SNRPN: variants seen among roughly 807,000 people sequenced by gnomAD.
SNRPN encodes the protein small nuclear ribonucleoprotein polypeptide N.
A neutral mutation model predicts 25.2 loss-of-function variants in SNRPN; 7 were observed. The ratio of observed to expected loss-of-function variants is 0.28; its 90% confidence interval spans 0.16 to 0.52. The LOEUF is 0.52. Among genes scored for constraint, SNRPN ranks in the 20% least tolerant of loss-of-function variants. The pLI, the probability that SNRPN is intolerant of heterozygous loss-of-function variation, is 0.96. For missense variants in SNRPN, 196 were observed against 322.5 expected (o/e 0.61, Z 3.00); for synonymous variants, 124 against 110.6 (o/e 1.12, Z -0.76).
intron 2 of SNRPN, among the ~76,000 whole-genome samples, chr15:24,916,252 G>A (rs528190137): frequency 5.3e-5 from 8 of 152,180 alleles, no homozygotes; most frequent in South Asian, 2.1e-4. Flanking sequence ...GAGCCACCGC[G>A]CCCAGCCTTG....
rs1317545238 is a variant in SNRPN, at chr15:24,955,024, T to A, written c.-429T>A. ...GGCCGCCGGAGATGCCTGACGCATCTGTCTGAGGAGCGGTCAGTGACGCGA... is the reference window on the plus strand; with the variant it reads ...GGCCGCCGGAGATGCCTGACGCATCAGTCTGAGGAGCGGTCAGTGACGCGA... On this transcript the variant is annotated 5_prime_UTR_variant, in exon 1 of 10. Transcript: ENST00000390687. The A allele has an allele frequency of 1.1e-5, 17 of 1,612,800 alleles. No homozygotes were observed. The highest frequency in any genetic ancestry group is 1.4e-5 in the Non-Finnish European group (17 of 1,179,936).
At chr15:24,868,189 A>G (rs920040397) in intron 1 of SNRPN, among the ~76,000 whole-genome samples, 3 of 152,206 alleles carry the variant, frequency 2.0e-5, no homozygotes, top group African/African-American at 7.2e-5. Flanking sequence ...GCAATGAATG[A>G]CAGCAATAGT....
Position 24,929,787 on chromosome 15 carries a change from C to T in SNRPN, c.-391+9663C>T, listed in dbSNP as rs573595690. 1.6e-4 allele frequency among the ~76,000 whole-genome samples: 25 copies of T among 152,288 alleles called. No individual in the cohort carries two copies. The South Asian group carries it at 5.2e-3, about 32-fold the overall frequency. On this transcript the variant is annotated intron_variant, in intron 3 of 11. Coordinates refer to the SNRPN transcript ENST00000400097. This position sits in a 1 kb window ranked among gnomAD's most constrained non-coding sequence, Gnocchi z 5.3. The stretch of plus-strand genomic sequence containing the variant: ...ATGATTTTTCTGTCAGTATCAGTTT[C>T]TGCAAGAGCAAAAATTACATATTTT...
chr15:24,952,425 T>G (rs1194420278), upstream of SNRPN, among the ~76,000 whole-genome samples: 2 of 152,202 alleles, frequency 1.3e-5, no homozygotes, highest in African/African-American at 2.4e-5. Flanking sequence ...CATGTCATAG[T>G]GGAGTTTAGT....
At chr15:24,951,131 T>C (rs1325757184), upstream of SNRPN, among the ~76,000 whole-genome samples, 2 of 152,124 alleles carry the variant, frequency 1.3e-5, no homozygotes, top group Non-Finnish European at 2.9e-5. Flanking sequence ...AAAGTGCTGA[T>C]ATTACAGGCG....
chr15:24,939,261 T>C (rs1207783040), intron 3 of SNRPN, among the ~76,000 whole-genome samples: 2 of 152,194 alleles, frequency 1.3e-5, no homozygotes, highest in Non-Finnish European at 2.9e-5. Flanking sequence ...TTCTGTGTTT[T>C]ATAGTAGCCA....
intron 3 of SNRPN, among the ~76,000 whole-genome samples, chr15:24,928,575 A>T (rs2060577130): frequency 6.6e-6 from 1 of 152,006 alleles, no homozygotes; most frequent in Non-Finnish European, 1.5e-5. Flanking sequence ...ATCAAAAAAA[A>T]TTGTCATTCT....
In SNRPN at chr15:24,825,987, T is replaced by C. The variant is rs749405947; in HGVS notation, c.-687+2137T>C. Among the ~76,000 whole-genome samples the C allele has an allele frequency of 1.5e-3, 226 of 152,086 alleles. 7 individuals carry two copies. Among genetic ancestry groups the C allele is most frequent in the Non-Finnish European group, 3.8e-4 (26 of 68,036 alleles). On this transcript the variant is annotated intron_variant, in intron 1 of 12. Transcript: ENST00000400100. ...AAGGGGGAGGGGTTCAACCTACTTA[T>C]ACATATTTCCTTCCTCTCTGTTGGG... is the stretch of plus-strand genomic sequence containing the variant.
At chr15:24,835,020 A>AATAG (rs1271079767) in intron 2 of SNRPN, among the ~76,000 whole-genome samples, 18 of 41,998 alleles carry the variant, frequency 4.3e-4, no homozygotes, top group African/African-American at 9.8e-4. Flanking sequence ...CTATATATAA[A>AATAG]ATAGATATAT....
At chr15:24,865,914 G>C (rs2148238654) in intron 1 of SNRPN, among the ~76,000 whole-genome samples, 1 of 152,274 alleles carries the variant, frequency 6.6e-6, no homozygotes, top group African/African-American at 2.4e-5. Context: ...GGTCCTGTCT[G>C]TTCAGTCAGT....
chr15:24,872,871 C>G (rs1235496926), intron 1 of SNRPN, among the ~76,000 whole-genome samples: 1 of 59,334 alleles, frequency 1.7e-5, no homozygotes, highest in Non-Finnish European at 3.5e-5. Context: ...GACTCCGTCT[C>G]AAAAAAAAAA....
At chr15:24,824,443 C>T (rs1443094371) in intron 1 of SNRPN, among the ~76,000 whole-genome samples, 1 of 152,040 alleles carries the variant, frequency 6.6e-6, no homozygotes, top group Non-Finnish European at 1.5e-5. Flanking sequence ...GGCTGCTTGA[C>T]TTGCCTTCCT....
At chr15:24,873,456 C>CT (rs200289304) in intron 1 of SNRPN, among the ~76,000 whole-genome samples, 848 of 80,738 alleles carry the variant, frequency 0.011, 175 homozygotes, top group African/African-American at 0.028. Flanking sequence ...TTTTGTCTCT[C>CT]TTTTTTTTTG....
intron 1 of SNRPN, chr15:24,856,738 G>A (rs1188144120): frequency 6.6e-6 from 1 of 152,182 alleles, no homozygotes; most frequent in Non-Finnish European, 1.5e-5. Flanking sequence ...TCTTGCTTTT[G>A]TGTTTTTGTT....
At chr15:24,847,018 T>A (rs1401917792) in intron 2 of SNRPN, among the ~76,000 whole-genome samples, 4 of 152,204 alleles carry the variant, frequency 2.6e-5, no homozygotes, top group East Asian at 1.9e-4. Context: ...TCACAAAAAA[T>A]TTTAGTATTT....
intron 3 of SNRPN, among the ~76,000 whole-genome samples, chr15:24,971,827 C>G (rs922377260): frequency 2.0e-5 from 3 of 152,214 alleles, no homozygotes; most frequent in African/African-American, 7.2e-5. Context: ...ATTTACAGAA[C>G]TGTGCAATCA....
chr15:24,906,189 G>A (rs1327982209), intron 2 of SNRPN, among the ~76,000 whole-genome samples: 3 of 152,086 alleles, frequency 2.0e-5, no homozygotes, highest in Non-Finnish European at 4.4e-5. Context: ...TCAGTGACAC[G>A]ATCCCAGGTC....
intron 1 of SNRPN, among the ~76,000 whole-genome samples, chr15:24,858,847 T>G (rs1416555539): frequency 6.6e-6 from 1 of 152,104 alleles, no homozygotes; most frequent in Non-Finnish European, 1.5e-5. Flanking sequence ...CGTTTATTCT[T>G]TAATTAATAG....
At chr15:24,865,694 C>T (rs531924020) in intron 1 of SNRPN, among the ~76,000 whole-genome samples, 2 of 152,290 alleles carry the variant, frequency 1.3e-5, no homozygotes, top group Non-Finnish European at 2.9e-5. Flanking sequence ...AGTGACTTAA[C>T]CCTTGCCTGT....
Sources: allele counts gnomAD v4.1 joint callset (sites outside exome capture counted in the v4.1 genomes callset), GRCh38; gene constraint gnomAD v4.1.1; non-coding constraint Gnocchi (gnomAD v3.1); transcripts MANE v1.5; gene names NCBI Gene and HGNC (gene_info 2026-07-23, HGNC 2026-07-21).